The following PHF14 variants were observed in gnomAD, a reference collection of about 807,000 sequenced individuals.
The protein encoded by PHF14 is PHD finger protein 14.
In PHF14, 55 loss-of-function variants were observed where a neutral mutation model predicts 117.9. The ratio of observed to expected loss-of-function variants is 0.47; its 90% confidence interval spans 0.38 to 0.58. The LOEUF (loss-of-function observed/expected upper bound fraction) is 0.58. PHF14 is among the 20% of genes least tolerant of loss of function. The pLI is 0.00. For synonymous variants in PHF14, 409 were observed against 368.6 expected, an observed-to-expected ratio of 1.11 and a Z score of -1.26; for missense variants, 978 against 1,122.2, an observed-to-expected ratio of 0.87 and a Z score of 1.84.
chr7:11,062,142 T>C, intron 16 of PHF14, 57 bp downstream of exon 16: 2 of 1,443,198 alleles, frequency 1.4e-6, no homozygotes, highest in Non-Finnish European at 1.9e-6. Context: ...ATTTATTTTC[T>C]CATCACAGAA....
At chr7:11,158,342 C>A (rs189153837) in intron 17 of PHF14, among the ~76,000 whole-genome samples, 377 of 152,122 alleles carry the variant, frequency 2.5e-3, no homozygotes, top group African/African-American at 8.5e-3. Context: ...AATATTTTCT[C>A]ATGATTAGAT....
intron 17 of PHF14, among the ~76,000 whole-genome samples, chr7:11,114,806 T>C (rs1198518555): frequency 6.6e-6 from 1 of 152,002 alleles, no homozygotes; most frequent in African/African-American, 2.4e-5. Context: ...ACATACCTTC[T>C]CGCATAGGCT....
intron 10 of PHF14, among the ~76,000 whole-genome samples, chr7:11,038,162 C>T (rs1350440573): frequency 6.6e-6 from 1 of 152,014 alleles, no homozygotes; most frequent in African/African-American, 2.4e-5. Flanking sequence ...GCCTGTAATC[C>T]CAGCACTTTG....
Position 11,004,046 on chromosome 7 carries a change from G to C in PHF14, c.1046-9701G>C, listed in dbSNP as rs575027458. On this transcript the variant is annotated intron_variant, in intron 4 of 17. Coordinates refer to ENST00000634607, the MANE Select transcript of PHF14 (RefSeq NM_001007157.2). Reference sequence around the variant, plus strand: ...GTGGATCGCTTGAGCTCAGGAGTTTGAGACCAGCCTGGGCAATGTGGTGAA... The same window carrying C: ...GTGGATCGCTTGAGCTCAGGAGTTTCAGACCAGCCTGGGCAATGTGGTGAA... Among the ~76,000 whole-genome samples, 15 of 152,018 alleles carry C rather than the reference G, an allele frequency of 9.9e-5. No homozygotes were observed. The East Asian group carries it at 2.7e-3, about 28-fold the overall frequency.
Position 10,974,326 on chromosome 7 carries a change from T to A in PHF14, c.1+2T>A. On this transcript the variant is annotated splice_donor_variant, in intron 1 of 17. Coordinates refer to ENST00000634607, the MANE Select transcript of PHF14 (RefSeq NM_001007157.2). LOFTEE classifies it high-confidence loss of function. ...AACGACCACCTCACGGATTCCTTAG[T>A]AAGTGTATCCGAGGCCTCTGCGGCG... 1 of 1,591,430 alleles carries A rather than the reference T, an allele frequency of 6.3e-7. No individual in the cohort carries two copies. The highest frequency in any genetic ancestry group is 8.6e-7 in the Non-Finnish European group (1 of 1,168,250).
intron 4 of PHF14, among the ~76,000 whole-genome samples, chr7:10,993,828 G>A (rs1782541385): frequency 6.6e-6 from 1 of 151,802 alleles, no homozygotes; most frequent in Non-Finnish European, 1.5e-5. Flanking sequence ...GGCCAAAATG[G>A]TGAAACGACG....
intron 13 of PHF14, among the ~76,000 whole-genome samples, chr7:11,044,852 GT>G (rs748544636): frequency 7.2e-5 from 11 of 152,042 alleles, no homozygotes; most frequent in Non-Finnish European, 1.2e-4. Context: ...TTTGGATTTT[GT>G]TTTTGTATTT....
At chr7:11,021,283 G>A (rs552291195) in intron 5 of PHF14, among the ~76,000 whole-genome samples, 30 of 152,256 alleles carry the variant, frequency 2.0e-4, no homozygotes, top group Middle Eastern at 3.4e-3. Flanking sequence ...TAATGGTAAA[G>A]TAACAAGGAA....
intron 17 of PHF14, among the ~76,000 whole-genome samples, chr7:11,115,886 A>AGATTCATTATG (rs1787588258): frequency 1.3e-5 from 2 of 152,024 alleles, no homozygotes; most frequent in African/African-American, 4.8e-5. Flanking sequence ...CTTGTGGTTT[A>AGATTCATTATG]GATTCATTAT....
intron 5 of PHF14, among the ~76,000 whole-genome samples, chr7:11,017,767 C>G (rs1256005110): frequency 6.6e-6 from 1 of 151,972 alleles, no homozygotes; most frequent in Non-Finnish European, 1.5e-5. Context: ...TTTAAAAAAA[C>G]CTGATATGAT....
At chr7:11,102,520 A>G (rs1384977529) in intron 16 of PHF14, 1 of 1,610,740 alleles carries the variant, frequency 6.2e-7, no homozygotes, top group East Asian at 2.2e-5. Context: ...GCCACAGCTC[A>G]TCCTCGGAGG....
In PHF14 at chr7:11,134,653, G is replaced by GAAT. The variant is rs781143353; in HGVS notation, c.2772+23187_2772+23188insATA. On this transcript the variant is annotated intron_variant, in intron 17 of 17. Coordinates refer to ENST00000634607, the MANE Select transcript of PHF14 (RefSeq NM_001007157.2). ...GACAGCTAGTTAATGACAGAGCTAT[G>GAAT]ACCAGGTCAGTTCTGGTCAGTGTTC... is the stretch of plus-strand genomic sequence containing the variant. Among the ~76,000 whole-genome samples, 36 of 152,150 alleles carry GAAT rather than the reference G, an allele frequency of 2.4e-4. No homozygotes were observed. In the Middle Eastern group the frequency reaches 0.017, roughly 72 times the overall value.
chr7:11,078,295 G>T (rs1257725464), intron 16 of PHF14, among the ~76,000 whole-genome samples: 7 of 152,038 alleles, frequency 4.6e-5, no homozygotes, highest in African/African-American at 1.7e-4. Flanking sequence ...CAGTGATAGT[G>T]CATTTAATAT....
At chr7:11,016,652 A>T (rs1381600978) in intron 5 of PHF14, among the ~76,000 whole-genome samples, 4 of 152,124 alleles carry the variant, frequency 2.6e-5, no homozygotes, top group Non-Finnish European at 1.5e-5. Flanking sequence ...GGTACATGAG[A>T]TGTTTTGATA....
intron 16 of PHF14, among the ~76,000 whole-genome samples, chr7:11,095,061 G>T (rs1786793965): frequency 6.6e-6 from 1 of 152,128 alleles, no homozygotes; most frequent in Admixed American, 6.6e-5. Context: ...TCAACTGCCA[G>T]TAATCACTAC....
intron 13 of PHF14, among the ~76,000 whole-genome samples, chr7:11,050,422 AC>A (rs1426073346): frequency 6.6e-6 from 1 of 152,184 alleles, no homozygotes; most frequent in Non-Finnish European, 1.5e-5. Flanking sequence ...GTAAAAATTT[AC>A]TTTTAACAAC....
At chr7:11,014,453 T>A (rs931625042) in intron 5 of PHF14, among the ~76,000 whole-genome samples, 4 of 152,170 alleles carry the variant, frequency 2.6e-5, no homozygotes, top group African/African-American at 7.2e-5. Context: ...TACCCTAGGT[T>A]GGGGTTCAGG....
chr7:11,121,330 A>G (rs1044052625), intron 17 of PHF14, among the ~76,000 whole-genome samples: 1 of 152,218 alleles, frequency 6.6e-6, no homozygotes, highest in Admixed American at 6.5e-5. Flanking sequence ...ATTATGTGCC[A>G]TCAATATGCC....
At chr7:11,110,132 T>G (rs1036383374) in intron 16 of PHF14, 3 of 151,762 alleles carry the variant, frequency 2.0e-5, no homozygotes, top group Admixed American at 6.6e-5. Context: ...ATTATGATGG[T>G]TTCTTAAAGT....
Sources: gnomAD v4.1 joint callset for allele counts (sites outside exome capture counted in the v4.1 genomes callset) on GRCh38, gnomAD v4.1.1 for gene constraint, MANE v1.5 for transcripts, NCBI Gene and HGNC (gene_info 2026-07-23, HGNC 2026-07-21) for gene names.